Variants in PTPRZ1 observed in about 807,000 individuals in gnomAD.
PTPRZ1 encodes protein tyrosine phosphatase receptor type Z1.
A neutral mutation model predicts 214.1 loss-of-function variants in PTPRZ1; 82 were observed. The observed-to-expected ratio is 0.38, with a 90% CI of 0.32 to 0.46. The LOEUF (loss-of-function observed/expected upper bound fraction) is 0.46, where lower values mean the gene tolerates loss of function less well. PTPRZ1 is among the 20% of genes least tolerant of loss of function. PTPRZ1 has a pLI of 1.00. For synonymous variants in PTPRZ1, 945 were observed against 987.9 expected, an observed-to-expected ratio of 0.96 and a Z score of 0.81; for missense variants, 2,603 against 2,748.7, an observed-to-expected ratio of 0.95 and a Z score of 1.19.
chr7:121,958,724 C>T (rs912529535), intron 2 of PTPRZ1, among the ~76,000 whole-genome samples: 4 of 152,144 alleles, frequency 2.6e-5, no homozygotes, highest in South Asian at 2.1e-4. Flanking sequence ...GGTATGTCCC[C>T]GTCGGGATTT....
At position 122,053,965 on chromosome 7, in the gene PTPRZ1, T is replaced by C. The variant is rs755907244; in HGVS notation, c.6308T>C (p.Ile2103Thr). The stretch of plus-strand genomic sequence containing the variant: ...ACCCAGCACCCTCTCCTTCATACCA[T>C]CAAGGATTTCTGGAGGATGATATGG... Reference protein sequence around the residue: ...IITQHPLLHTIKDFWRMIWDH... With the variant: ...IITQHPLLHTTKDFWRMIWDH... The change falls in exon 26 of 30, where the codon ATC becomes ACC. Residue 2103 changes from isoleucine (I) to threonine (T), a missense_variant. Around this residue, in one of 6 missense-constraint regions of PTPRZ1, gnomAD observed 134 missense variants for 183.3 expected, o/e 0.73. Transcript: ENST00000393386. 1.6e-5 allele frequency: 26 copies of C among 1,613,342 alleles called. No homozygotes were observed. In the Admixed American group the frequency reaches 3.7e-4, roughly 23 times the overall value.
Position 121,873,299 on chromosome 7 carries a change from CTCTGTCTCTGTCTCTG to C in PTPRZ1, c.-197_-182del. On this transcript the variant is annotated 5_prime_UTR_variant, in exon 1 of 30. Coordinates refer to ENST00000393386, the MANE Select transcript of PTPRZ1 (RefSeq NM_002851.3). ...TCTCTCGCTGTCTCTGACTGTCTCT[CTCTGTCTCTGTCTCTG>C]TCTCTCTCTCTCTCACACACACACA... 1.9e-6 allele frequency: 1 copy of C among 530,370 alleles called. No homozygotes were observed. The highest frequency in any genetic ancestry group is 5.0e-4 in the Middle Eastern group (1 of 1,992). The allele number at this position is 530,370 out of a possible 1,614,324, so 32.9% of individuals were successfully genotyped here.
chr7:122,019,339 G>C, intron 13 of PTPRZ1, 71 bp downstream of exon 13: 1 of 1,424,562 alleles, frequency 7.0e-7, no homozygotes, highest in South Asian at 1.2e-5. Flanking sequence ...CATCTGAAAG[G>C]TCTTCAAAGC....
At chr7:122,018,917 T>C (rs1184438538) in intron 12 of PTPRZ1, among the ~76,000 whole-genome samples, 1 of 152,194 alleles carries the variant, frequency 6.6e-6, no homozygotes, top group Non-Finnish European at 1.5e-5. Flanking sequence ...TGCTGGGATG[T>C]TGTAGTTCTT....
chr7:121,888,563 T>A (rs1399975360), intron 1 of PTPRZ1, among the ~76,000 whole-genome samples: 1 of 152,112 alleles, frequency 6.6e-6, no homozygotes, highest in Non-Finnish European at 1.5e-5. Flanking sequence ...AGAATTAGGA[T>A]AATGGATCCA....
At position 121,878,700 on chromosome 7, in the gene PTPRZ1, C is replaced by T. The variant is rs570318497; in HGVS notation, c.58+5143C>T. On this transcript the variant is annotated intron_variant, in intron 1 of 29. Coordinates refer to ENST00000393386, the MANE Select transcript of PTPRZ1 (RefSeq NM_002851.3). ...TTTTTCAATTTATCTGTCTCCTTGA[C>T]TCGACCACATTATTTGAGGGTAAAG... is the stretch of plus-strand genomic sequence containing the variant. 6.0e-4 allele frequency among the ~76,000 whole-genome samples: 92 copies of T among 152,254 alleles called. 1 individual carries two copies. In the South Asian group the frequency reaches 0.019, roughly 32 times the overall value.
intron 9 of PTPRZ1, among the ~76,000 whole-genome samples, chr7:121,997,127 G>T (rs1375040838): frequency 6.6e-6 from 1 of 152,140 alleles, no homozygotes; most frequent in Non-Finnish European, 1.5e-5. Flanking sequence ...TGTGGCCTGA[G>T]CATGTCAGTA....
In PTPRZ1 at chr7:122,061,470, AT is replaced by A; in HGVS notation, c.*257del. ...GTATTTCTAAGAATGGAATTGTGGT[AT>A]TTTTTTCTGTATTGATTTTAACAGA... On this transcript the variant is annotated 3_prime_UTR_variant, in exon 30 of 30. Coordinates refer to ENST00000393386, the MANE Select transcript of PTPRZ1 (RefSeq NM_002851.3). 5 of 260,338 alleles carry A rather than the reference AT, an allele frequency of 1.9e-5. No individual in the cohort carries two copies. Among genetic ancestry groups the A allele is most frequent in the East Asian group, 7.0e-5 (1 of 14,286 alleles). The allele number at this position is 260,338 out of a possible 1,614,324, so 16.1% of individuals were successfully genotyped here.
chr7:122,032,515 T>C (rs1056586244), intron 15 of PTPRZ1, among the ~76,000 whole-genome samples: 8 of 152,270 alleles, frequency 5.3e-5, no homozygotes, highest in Middle Eastern at 3.4e-3. Flanking sequence ...GCATTTTTGC[T>C]TCTCTCTCCC....
chr7:122,044,680 T>C, intron 23 of PTPRZ1, 112 bp downstream of exon 23: 1 of 1,101,658 alleles, frequency 9.1e-7, no homozygotes, highest in Non-Finnish European at 1.3e-6. Context: ...ACAATGACTT[T>C]GTATTTGAGC....
At chr7:121,889,814 T>C (rs1584605796) in intron 1 of PTPRZ1, among the ~76,000 whole-genome samples, 1 of 152,190 alleles carries the variant, frequency 6.6e-6, no homozygotes, top group Admixed American at 6.5e-5. Flanking sequence ...ACATCCAATA[T>C]TCAGTGTTCT....
rs573678779 is a variant in PTPRZ1, at chr7:121,907,360, A to G, written c.59-20796A>G. Among the ~76,000 whole-genome samples, 139 of 152,134 alleles carry G rather than the reference A, an allele frequency of 9.1e-4. 2 individuals are homozygous for G. Among genetic ancestry groups the G allele is most frequent in the South Asian group, 4.6e-3 (22 of 4,814 alleles). The stretch of plus-strand genomic sequence containing the variant: ...ATTAAATGTGGCAAATAATTCCAAG[A>G]CATTTATTTTACCTAATTATATGTG... On this transcript the variant is annotated intron_variant, in intron 1 of 29. Coordinates refer to ENST00000393386, the MANE Select transcript of PTPRZ1 (RefSeq NM_002851.3).
chr7:121,940,196 C>T (rs1796200699), intron 2 of PTPRZ1, among the ~76,000 whole-genome samples: 1 of 152,082 alleles, frequency 6.6e-6, no homozygotes, highest in Admixed American at 6.5e-5. Context: ...TACATTTTAA[C>T]TGTTGACTTC....
chr7:121,884,957 G>A (rs1435298779), intron 1 of PTPRZ1, among the ~76,000 whole-genome samples: 1 of 152,086 alleles, frequency 6.6e-6, no homozygotes, highest in Non-Finnish European at 1.5e-5. Flanking sequence ...CCTCCTTTGT[G>A]TCCCTCCCCG....
chr7:121,963,390 C>A (rs186063969), intron 2 of PTPRZ1, among the ~76,000 whole-genome samples: 11 of 152,268 alleles, frequency 7.2e-5, no homozygotes, highest in Non-Finnish European at 1.3e-4. Context: ...TATCAGACAC[C>A]TACTATGTGT....
Position 122,011,091 on chromosome 7 carries a change from G to A in PTPRZ1, c.2045G>A (p.Arg682His), listed in dbSNP as rs199887758. ...SFLQTNYTEI[R>H]VDESEKTTKS... ...CTCCAGACTAATTACACTGAGATACGTGTTGATGAATCTGAGAAGACAACC... is the reference window on the plus strand; with the variant it reads ...CTCCAGACTAATTACACTGAGATACATGTTGATGAATCTGAGAAGACAACC... The change falls in exon 12 of 30, where the codon CGT (arginine) becomes CAT (histidine). Residue 682 changes from arginine (R) to histidine (H), a missense_variant. Arg to His is a conservative substitution (Grantham distance 29, BLOSUM62 0). Coordinates refer to ENST00000393386, the MANE Select transcript of PTPRZ1 (RefSeq NM_002851.3). 17 of 1,614,112 alleles carry A rather than the reference G, an allele frequency of 1.1e-5. No individual in the cohort carries two copies. The highest frequency in any genetic ancestry group is 1.0e-4 in the Admixed American group (6 of 60,010).
chr7:122,010,383 G>C lies in PTPRZ1; in HGVS notation c.1337G>C (p.Gly446Ala). 2 of 1,613,880 alleles carry C rather than the reference G, an allele frequency of 1.2e-6. No homozygotes were observed. Among genetic ancestry groups the C allele is most frequent in the Non-Finnish European group, 1.7e-6 (2 of 1,179,904 alleles). Residue 446 changes from glycine (G) to alanine (A), a missense_variant, in exon 12 of 30, where the codon GGT (glycine) becomes GCT (alanine). Physicochemically the swap from Gly to Ala is moderately conservative, Grantham distance 60. Coordinates refer to ENST00000393386, the MANE Select transcript of PTPRZ1 (RefSeq NM_002851.3). Reference sequence around the variant, plus strand: ...GAAGAAGGCGCTATTGTGAATCCTGGTAGAGACAGTGCTACAAACCAAATC... The same window carrying C: ...GAAGAAGGCGCTATTGTGAATCCTGCTAGAGACAGTGCTACAAACCAAATC... Reference protein sequence around the residue: ...DIEEGAIVNPGRDSATNQIRK... With the variant: ...DIEEGAIVNPARDSATNQIRK...
At chr7:121,989,695 A>G (rs1275606847) in intron 8 of PTPRZ1, among the ~76,000 whole-genome samples, 2 of 152,188 alleles carry the variant, frequency 1.3e-5, no homozygotes, top group African/African-American at 4.8e-5. Flanking sequence ...CTTAATGGAT[A>G]TACTATCTCC....
At chr7:122,001,387 T>C (rs966299743) in intron 10 of PTPRZ1, among the ~76,000 whole-genome samples, 1 of 152,200 alleles carries the variant, frequency 6.6e-6, no homozygotes, top group Non-Finnish European at 1.5e-5. Context: ...CATACAGCTC[T>C]GGAGGGATTA....
Sources: allele counts gnomAD v4.1 joint callset (sites outside exome capture counted in the v4.1 genomes callset), GRCh38; gene constraint gnomAD v4.1.1; regional missense constraint gnomAD v4.1.1; transcripts MANE v1.5; gene names NCBI Gene and HGNC (gene_info 2026-07-23, HGNC 2026-07-21).